Variants in ABCC6 observed in about 807,000 individuals in gnomAD.
ABCC6 encodes the protein ATP-binding cassette sub-family C member 6.
In ABCC6, 126 loss-of-function variants were observed where a neutral mutation model predicts 169.5. The observed-to-expected ratio is 0.74, with a 90% CI of 0.64 to 0.86. The LOEUF is 0.86. Ranked by LOEUF, ABCC6 falls within the 40% of genes least tolerant of loss-of-function variation. ABCC6 has a pLI of 0.00. For synonymous variants in ABCC6, 752 were observed against 814.7 expected (o/e 0.92, Z 1.31); for missense variants, 1,733 against 1,927.2 (o/e 0.90, Z 1.89).
intron 21 of ABCC6, among the ~76,000 whole-genome samples, chr16:16,171,182 TACCA>T (rs1466580155): frequency 6.6e-6 from 1 of 151,882 alleles, no homozygotes; most frequent in Admixed American, 6.6e-5. Flanking sequence ...ATCCTGTCCA[TACCA>T]ACCATGGTAG....
At chr16:16,208,947 A>G (rs1246075287) in intron 6 of ABCC6, 88 bp from the exon 7 acceptor site, 1 of 1,610,000 alleles carries the variant, frequency 6.2e-7, no homozygotes, top group Non-Finnish European at 8.5e-7. Flanking sequence ...GACCCTGGGT[A>G]AGTCACTTTA....
chr16:16,154,670 C>T lies in ABCC6; in HGVS notation c.4166G>A (p.Gly1389Asp), dbSNP rs1430877583. The T allele has an allele frequency of 6.2e-7, 1 of 1,613,080 alleles. No homozygotes were observed. The highest frequency in any genetic ancestry group is 8.5e-7 in the Non-Finnish European group (1 of 1,179,976). ...GTCAGCACACTTGTACTGCAGCTGGCCGGGCAGGCTGGCCACCAAGGCTTT... is the reference window on the plus strand; with the variant it reads ...GTCAGCACACTTGTACTGCAGCTGGTCGGGCAGGCTGGCCACCAAGGCTTT... Reference protein sequence around the residue: ...QLKALVASLPGQLQYKCADRG... With the variant: ...QLKALVASLPDQLQYKCADRG... The change falls in exon 29 of 31, where the codon GGC becomes GAC. Residue 1389 changes from glycine (G) to aspartate (D), a missense_variant. Physicochemically the swap from Gly to Asp is moderately conservative, Grantham distance 94 (BLOSUM62 -1). This residue lies in a region of ABCC6 where 1,601 missense variants were observed against 1,635.5 expected (regional missense o/e 0.98). Coordinates refer to ENST00000205557, the MANE Select transcript of ABCC6 (RefSeq NM_001171.6).
intron 6 of ABCC6, among the ~76,000 whole-genome samples, chr16:16,211,694 G>A (rs2048628093): frequency 2.6e-5 from 4 of 152,136 alleles, no homozygotes; most frequent in African/African-American, 7.2e-5. Context: ...AGCTGGCCCT[G>A]GAGAAGCAGC....
chr16:16,218,285 G>A (rs1200568034), intron 4 of ABCC6, among the ~76,000 whole-genome samples: 1 of 122,430 alleles, frequency 8.2e-6, no homozygotes, highest in East Asian at 2.3e-4. Flanking sequence ...AGGAGTTCAA[G>A]ATCAGCCTGG....
intron 10 of ABCC6, among the ~76,000 whole-genome samples, chr16:16,197,147 G>A (rs1261984627): frequency 1.3e-5 from 2 of 152,138 alleles, no homozygotes; most frequent in African/African-American, 4.8e-5. Context: ...CCCCTAAAAT[G>A]TTCTCCTCTT....
chr16:16,162,463 T>G (rs191815246), intron 24 of ABCC6, among the ~76,000 whole-genome samples: 2 of 152,322 alleles, frequency 1.3e-5, no homozygotes, highest in African/African-American at 2.4e-5. Flanking sequence ...TAAATTAATC[T>G]ACATAGATTG....
In ABCC6 at chr16:16,165,655, G is replaced by C; in HGVS notation, c.3274C>G (p.Leu1092Val). Residue 1092 changes from leucine to valine, a missense_variant, in exon 23 of 31, where the codon CTG becomes GTG. Leu to Val is a conservative substitution (Grantham distance 32, BLOSUM62 1). Transcript: ENST00000205557. The part of the protein sequence containing the change: ...VATPLATVAI[L>V]PLFLLYAGFQ... ...CCAGCGTAGAGGAGAAACAGTGGCA[G>C]GATGGCCACAGTGGCCAGTGGGGTA... The C allele has an allele frequency of 2.5e-6, 4 of 1,612,726 alleles. No individual in the cohort carries two copies. The highest frequency in any genetic ancestry group is 3.4e-6 in the Non-Finnish European group (4 of 1,179,974).
chr16:16,178,364 C>T (rs901559803), intron 18 of ABCC6, among the ~76,000 whole-genome samples: 3 of 152,048 alleles, frequency 2.0e-5, no homozygotes, highest in African/African-American at 4.8e-5. Flanking sequence ...CACACATGTG[C>T]TTGGCCAGCC....
intron 9 of ABCC6, among the ~76,000 whole-genome samples, chr16:16,199,336 A>G (rs555480616): frequency 7.2e-6 from 1 of 138,778 alleles, no homozygotes; most frequent in South Asian, 2.3e-4. Context: ...ACCCCATTCT[A>G]TGGCTAAAGA....
rs1386251691 is a variant in ABCC6, at chr16:16,149,831, A to G, written c.*302T>C. 5 of 507,544 alleles carry G rather than the reference A, an allele frequency of 9.9e-6. No individual in the cohort carries two copies. The highest frequency in any genetic ancestry group is 1.8e-5 in the Non-Finnish European group (5 of 277,108). 31.4% of individuals were successfully genotyped at this position (507,544 alleles called of 1,614,324 possible). A position where few individuals can be genotyped will look rare whatever the true frequency, so the allele number is the denominator to read the frequency against. On this transcript the variant is annotated 3_prime_UTR_variant, in exon 31 of 31. Transcript: ENST00000205557. The stretch of plus-strand genomic sequence containing the variant: ...TAAGGGTCTAGCCGGGAGCCTGGGC[A>G]TGTGCTTGAGGCCCCCAGGTGAGTC...
At chr16:16,181,517 G>A (rs1051928175) in intron 17 of ABCC6, among the ~76,000 whole-genome samples, 11 of 152,118 alleles carry the variant, frequency 7.2e-5, no homozygotes, top group Admixed American at 5.2e-4. Flanking sequence ...TCCAGCAGAG[G>A]GAACAGCAGT....
At chr16:16,219,059 CAAAAAAAAAAA>C (rs545447445) in intron 4 of ABCC6, among the ~76,000 whole-genome samples, 10 of 10,370 alleles carry the variant, frequency 9.6e-4, no homozygotes, top group Non-Finnish European at 1.4e-3. Context: ...GCAAGCCTCT[CAAAAAAAAAAA>C]AAAAAAAAAA....
chr16:16,182,887 C>T lies in ABCC6; in HGVS notation c.1987G>A (p.Gly663Ser), dbSNP rs72653780. 10 of 1,613,888 alleles carry T rather than the reference C, an allele frequency of 6.2e-6. No individual in the cohort carries two copies. Among genetic ancestry groups the T allele is most frequent in the East Asian group, 4.5e-5 (2 of 44,836 alleles). ...GAGGACTTCCCTGCCCCCACTGGAC[C>T]GACAACAGCCAGCAGACAGCCCTGG... ...VPQGCLLAVV[G>S]PVGAGKSSLL... The change falls in exon 16 of 31, where the codon GGT becomes AGT. Residue 663 changes from glycine to serine, a missense_variant. Physicochemically the swap from Gly to Ser is moderately conservative, Grantham distance 56. Around this residue, in one of 5 missense-constraint regions of ABCC6, gnomAD observed 1,601 missense variants for 1,635.5 expected, o/e 0.98. Coordinates refer to ENST00000205557, the MANE Select transcript of ABCC6 (RefSeq NM_001171.6).
intron 9 of ABCC6, among the ~76,000 whole-genome samples, chr16:16,199,279 G>C: frequency 6.8e-6 from 1 of 146,896 alleles, no homozygotes; most frequent in Non-Finnish European, 1.5e-5. Flanking sequence ...AAGTATTAGA[G>C]TGAAAAAAAA....
Position 16,174,176 on chromosome 16 carries a change from C to T in ABCC6, c.2667-772G>A, listed in dbSNP as rs532627196. ...TTAAGTTTGGCCTAAAGGTTTTCCC[C>T]GTACATAGTGAACTGTAACCTAATT... is the stretch of plus-strand genomic sequence containing the variant. On this transcript the variant is annotated intron_variant, in intron 20 of 30. Coordinates refer to ENST00000205557, the MANE Select transcript of ABCC6 (RefSeq NM_001171.6). Among the ~76,000 whole-genome samples, 9 of 152,252 alleles carry T rather than the reference C, an allele frequency of 5.9e-5. No homozygotes were observed. In the South Asian group the frequency reaches 1.2e-3, roughly 21 times the overall value.
intron 9 of ABCC6, among the ~76,000 whole-genome samples, chr16:16,201,201 A>C (rs1258444924): frequency 6.6e-6 from 1 of 152,086 alleles, no homozygotes; most frequent in Non-Finnish European, 1.5e-5. Flanking sequence ...TCCTGACCTC[A>C]AGTGATCCGC....
At chr16:16,199,059 T>C (rs1309889495) in intron 9 of ABCC6, among the ~76,000 whole-genome samples, 1 of 140,708 alleles carries the variant, frequency 7.1e-6, no homozygotes, top group African/African-American at 2.5e-5. Flanking sequence ...AGCTAGCTAC[T>C]GGGGAGGCTG....
rs554614579 is a variant in ABCC6 at position 16,197,917 on chromosome 16, T to C, written c.1338+104A>G. Reference sequence around the variant, plus strand: ...TCACAGCGGACCTCTTCCAGCCTCTTGAATGCTAAGTCAGGAGGAGGAAGG... The same window carrying C: ...TCACAGCGGACCTCTTCCAGCCTCTCGAATGCTAAGTCAGGAGGAGGAAGG... On this transcript the variant is annotated intron_variant, in intron 10 of 30. Transcript: ENST00000205557. 1.1e-4 allele frequency: 154 copies of C among 1,345,656 alleles called. No individual in the cohort carries two copies. The East Asian group carries it at 3.3e-3, about 28-fold the overall frequency. The allele number at this position is 1,345,656 out of a possible 1,614,324, so 83.4% of individuals were successfully genotyped here.
At chr16:16,179,887 G>A (rs578194842) in intron 17 of ABCC6, among the ~76,000 whole-genome samples, 14 of 152,122 alleles carry the variant, frequency 9.2e-5, no homozygotes, top group South Asian at 2.1e-4. Context: ...CACTGCGCCC[G>A]GCCTACTTGT....
Sources: allele counts gnomAD v4.1 joint callset (sites outside exome capture counted in the v4.1 genomes callset), GRCh38; gene constraint gnomAD v4.1.1; regional missense constraint gnomAD v4.1.1; transcripts MANE v1.5; gene names NCBI Gene and HGNC (gene_info 2026-07-23, HGNC 2026-07-21).